Variants in CIBAR1 observed in about 807,000 individuals in gnomAD.
CIBAR1 encodes the protein CBY1-interacting BAR domain-containing protein 1.
Under a neutral mutation model 44.0 loss-of-function variants are expected in CIBAR1, and 25 were observed. That is an observed-to-expected ratio of 0.57 (90% CI 0.41 to 0.79). The LOEUF is 0.79. CIBAR1 is among the 30% of genes least tolerant of loss of function. CIBAR1 has a pLI of 0.00. For synonymous variants in CIBAR1, 115 were observed against 119.0 expected, an observed-to-expected ratio of 0.97 and a Z score of 0.22; for missense variants, 278 against 344.8, an observed-to-expected ratio of 0.81 and a Z score of 1.53.
chr8:93,710,406 G>GC (rs1373804800), intron 6 of CIBAR1, among the ~76,000 whole-genome samples: 1 of 151,792 alleles, frequency 6.6e-6, no homozygotes, highest in African/African-American at 2.4e-5. Flanking sequence ...CCAACCAGAA[G>GC]CCAGATATTC....
At chr8:93,727,487 A>G (rs1811572754) in intron 8 of CIBAR1, among the ~76,000 whole-genome samples, 1 of 152,204 alleles carries the variant, frequency 6.6e-6, no homozygotes, top group Admixed American at 6.5e-5. Flanking sequence ...GGGTTTCTCA[A>G]CCTCAGCACT....
intron 7 of CIBAR1, among the ~76,000 whole-genome samples, chr8:93,725,165 G>C (rs1345328699): frequency 2.6e-5 from 4 of 151,618 alleles, no homozygotes; most frequent in Non-Finnish European, 1.5e-5. Flanking sequence ...TTTTTGTTTG[G>C]AGAGATAGGG....
rs911424699 is a variant in CIBAR1, at chr8:93,731,250, T to C, written c.*2953T>C. On this transcript the variant is annotated 3_prime_UTR_variant, in exon 9 of 9. Coordinates refer to ENST00000518322, the MANE Select transcript of CIBAR1 (RefSeq NM_145269.5). Reference sequence around the variant, plus strand: ...CACCTCAGCCCAGTTTGAAATGCAATTCCACAGTAAGTAATCCCTCACGTT... The same window carrying C: ...CACCTCAGCCCAGTTTGAAATGCAACTCCACAGTAAGTAATCCCTCACGTT... The C allele has an allele frequency of 2.0e-5, 3 of 152,244 alleles. No individual in the cohort carries two copies. Among genetic ancestry groups the C allele is most frequent in the Admixed American group, 6.5e-5 (1 of 15,278 alleles). The allele number at this position is 152,244 out of a possible 1,614,324, so 9.4% of individuals were successfully genotyped here. A position where few individuals can be genotyped will look rare whatever the true frequency, so the allele number is the denominator to read the frequency against.
intron 4 of CIBAR1, among the ~76,000 whole-genome samples, chr8:93,706,443 A>G (rs1486876951): frequency 6.6e-6 from 1 of 152,118 alleles, no homozygotes; most frequent in Non-Finnish European, 1.5e-5. Context: ...AGTGTTTAAG[A>G]ATTAAGCTAG....
At chr8:93,723,469 T>C (rs1811351254) in intron 7 of CIBAR1, among the ~76,000 whole-genome samples, 1 of 152,150 alleles carries the variant, frequency 6.6e-6, no homozygotes, top group Non-Finnish European at 1.5e-5. Flanking sequence ...TGAAGTTCTC[T>C]TAAAGGAATG....
At chr8:93,701,151 G>A in intron 1 of CIBAR1, 73 bp from the exon 2 acceptor site, 8 of 1,539,346 alleles carry the variant, frequency 5.2e-6, no homozygotes, top group Non-Finnish European at 7.0e-6. Flanking sequence ...GGGAATGTTT[G>A]CATGTTAAAT....
Position 93,729,507 on chromosome 8 carries a change from T to C in CIBAR1, c.*1210T>C, listed in dbSNP as rs1280280237. On this transcript the variant is annotated 3_prime_UTR_variant, in exon 9 of 9. Transcript: ENST00000518322. ...ACTAAATAGCAACTTCTCTTGAGCA[T>C]TATTTGCCTTGTTTGTAAAGTTAAA... 6.6e-6 allele frequency: 1 copy of C among 152,200 alleles called. No homozygotes were observed. Among genetic ancestry groups the C allele is most frequent in the Non-Finnish European group, 1.5e-5 (1 of 68,014 alleles). 9.4% of individuals were successfully genotyped at this position (152,200 alleles called of 1,614,324 possible).
intron 7 of CIBAR1, chr8:93,719,763 A>G (rs572908000): frequency 6.6e-6 from 1 of 152,296 alleles, no homozygotes; most frequent in East Asian, 1.9e-4. Flanking sequence ...AATTCTGTAA[A>G]TATCCAACCC....
chr8:93,726,306 A>T (rs557276432), intron 7 of CIBAR1, 88 bp from the exon 8 acceptor site: 347 of 1,121,340 alleles, frequency 3.1e-4, no homozygotes, highest in Middle Eastern at 1.5e-3. Context: ...TTGTTTTTTT[A>T]AAAAAAAATC....
intron 8 of CIBAR1, chr8:93,727,162 T>C (rs1209678380): frequency 7.8e-7 from 1 of 1,288,644 alleles, no homozygotes; most frequent in Non-Finnish European, 1.0e-6. Flanking sequence ...TGCCAAACCC[T>C]GATCTAGAGA....
intron 6 of CIBAR1, among the ~76,000 whole-genome samples, chr8:93,717,791 A>G (rs1055712081): frequency 6.6e-6 from 1 of 152,140 alleles, no homozygotes; most frequent in Non-Finnish European, 1.5e-5. Flanking sequence ...TACATTGCTT[A>G]TTTTGTTATA....
At position 93,709,785 on chromosome 8, in the gene CIBAR1, A is replaced by AG; in HGVS notation, c.453_454insG (p.Gln152AlafsTer8). The AG allele has an allele frequency of 6.2e-7, 1 of 1,613,336 alleles. No individual in the cohort carries two copies. Among genetic ancestry groups the AG allele is most frequent in the Non-Finnish European group, 8.5e-7 (1 of 1,179,600 alleles). ...TACTTTTGTAGGCAGAAACGGAATT[A>AG]CAGAGAGCTGCAATGGATGCTAGCC... On this transcript the variant is annotated frameshift_variant, in exon 6 of 9. Coordinates refer to ENST00000518322, the MANE Select transcript of CIBAR1 (RefSeq NM_145269.5). LOFTEE classifies it high-confidence loss of function.
intron 6 of CIBAR1, chr8:93,715,851 A>G (rs1811017944): frequency 6.6e-6 from 1 of 152,192 alleles, no homozygotes; most frequent in Non-Finnish European, 1.5e-5. Flanking sequence ...TCACTGCATC[A>G]TTACACATTG....
intron 3 of CIBAR1, 116 bp downstream of exon 3, chr8:93,703,804 C>T (rs1456354005): frequency 1.3e-6 from 1 of 790,402 alleles, no homozygotes; most frequent in African/African-American, 1.8e-5. Flanking sequence ...GTGGCTCATG[C>T]CTGTAATCCC....
intron 3 of CIBAR1, among the ~76,000 whole-genome samples, chr8:93,704,636 C>T (rs112487752): frequency 4.6e-5 from 7 of 152,184 alleles, no homozygotes; most frequent in African/African-American, 4.8e-5. Context: ...TAACCACTAC[C>T]GCAATCAAAA....
chr8:93,705,717 C>T (rs965000695), intron 4 of CIBAR1, among the ~76,000 whole-genome samples: 3 of 152,044 alleles, frequency 2.0e-5, no homozygotes, highest in African/African-American at 4.8e-5. Flanking sequence ...TTTGGGAGGC[C>T]GAGGCAGGCA....
At chr8:93,718,823 T>C in intron 7 of CIBAR1, 35 bp downstream of exon 7, 1 of 1,230,020 alleles carries the variant, frequency 8.1e-7, no homozygotes, top group Admixed American at 2.6e-5. Flanking sequence ...AGTTCTTCTG[T>C]TAATGTGGAA....
intron 1 of CIBAR1, chr8:93,700,978 C>T (rs1810320545): frequency 2.2e-6 from 3 of 1,390,620 alleles, no homozygotes; most frequent in Non-Finnish European, 1.9e-6. Context: ...GCGGAGCAGC[C>T]GGAGCAGCCA....
chr8:93,700,673 G>T lies in CIBAR1; in HGVS notation c.26G>T (p.Arg9Leu). The change falls in exon 1 of 9, where the codon CGG becomes CTG. Residue 9 changes from arginine (R) to leucine (L), a missense_variant and splice_region_variant. Physicochemically the swap from Arg to Leu is moderately radical, Grantham distance 102. Around this residue, in one of 3 missense-constraint regions of CIBAR1, gnomAD observed 183 missense variants for 218.6 expected, o/e 0.84. Transcript: ENST00000518322. ...ATGATGAGGCGCACCCTGGAAAACCGGTAACAGCCCGAGCCCAGCTGCCCA... is the reference window on the plus strand; with the variant it reads ...ATGATGAGGCGCACCCTGGAAAACCTGTAACAGCCCGAGCCCAGCTGCCCA... MMRRTLEN[R>L]NAQTKQLQTA... 2.0e-6 allele frequency: 3 copies of T among 1,504,772 alleles called. No homozygotes were observed. The highest frequency in any genetic ancestry group is 2.7e-6 in the Non-Finnish European group (3 of 1,127,348). 93.2% of individuals were successfully genotyped at this position (1,504,772 alleles called of 1,614,324 possible).
Sources: gnomAD v4.1 joint callset for allele counts (sites outside exome capture counted in the v4.1 genomes callset) on GRCh38, gnomAD v4.1.1 for gene constraint, gnomAD v4.1.1 regional missense constraint, MANE v1.5 for transcripts, NCBI Gene and HGNC (gene_info 2026-07-23, HGNC 2026-07-21) for gene names.